The following OPCML variants were observed in gnomAD, a reference collection of about 807,000 sequenced individuals.
OPCML encodes opioid binding protein/cell adhesion molecule like.
A neutral mutation model predicts 37.8 loss-of-function variants in OPCML; 13 were observed. The ratio of observed to expected loss-of-function variants is 0.34; its 90% CI spans 0.22 to 0.55. The LOEUF (loss-of-function observed/expected upper bound fraction) is 0.55. Among genes scored for constraint, OPCML ranks in the 20% least tolerant of loss-of-function variants. OPCML has a pLI of 0.91. For missense variants in OPCML, 341 were observed against 435.6 expected (o/e 0.78, Z 1.93); for synonymous variants, 176 against 168.8 (o/e 1.04, Z -0.33).
intron 4 of OPCML, among the ~76,000 whole-genome samples, chr11:132,442,818 C>T (rs2096040890): frequency 6.6e-6 from 1 of 152,160 alleles, no homozygotes; most frequent in South Asian, 2.1e-4. Context: ...TCCACTATGA[C>T]TGTGAGGCTT....
intron 1 of OPCML, among the ~76,000 whole-genome samples, chr11:133,389,734 T>G (rs1945128736): frequency 6.6e-6 from 1 of 152,214 alleles, no homozygotes; most frequent in Non-Finnish European, 1.5e-5. Flanking sequence ...GGACATTCTT[T>G]GAAATGGTCT....
At chr11:133,101,624 A>T (rs575144090) in intron 1 of OPCML, among the ~76,000 whole-genome samples, 1 of 152,330 alleles carries the variant, frequency 6.6e-6, no homozygotes, top group East Asian at 1.9e-4. Flanking sequence ...GCTGGTTGGA[A>T]TGCAAAATTG....
intron 3 of OPCML, among the ~76,000 whole-genome samples, chr11:132,623,289 G>A (rs1021415586): frequency 2.6e-5 from 4 of 151,648 alleles, no homozygotes; most frequent in South Asian, 4.2e-4. Flanking sequence ...GCTTCACTTC[G>A]CCTGGAAATT....
chr11:133,044,250 G>T (rs1455047367), intron 1 of OPCML, among the ~76,000 whole-genome samples: 1 of 152,176 alleles, frequency 6.6e-6, no homozygotes, highest in Non-Finnish European at 1.5e-5. Flanking sequence ...CTGAAGGTGG[G>T]AGCTAGAGAA....
chr11:132,537,277 T>C (rs139506659), intron 3 of OPCML, among the ~76,000 whole-genome samples: 1 of 152,306 alleles, frequency 6.6e-6, no homozygotes, highest in African/African-American at 2.4e-5. Flanking sequence ...TCCAAAAATA[T>C]ATCCACATTT....
chr11:133,342,590 C>A (rs921426068), intron 1 of OPCML, among the ~76,000 whole-genome samples: 1 of 152,120 alleles, frequency 6.6e-6, no homozygotes, highest in Non-Finnish European at 1.5e-5. Context: ...GGGACCCGTG[C>A]GGAGGTTGGG....
intron 1 of OPCML, among the ~76,000 whole-genome samples, chr11:132,979,147 C>T (rs1434450649): frequency 6.6e-6 from 1 of 152,206 alleles, no homozygotes; most frequent in Non-Finnish European, 1.5e-5. Context: ...TGCCTTCTCC[C>T]TCCATCCATT....
chr11:132,648,882 C>T (rs759160278), intron 3 of OPCML, among the ~76,000 whole-genome samples: 4 of 151,992 alleles, frequency 2.6e-5, no homozygotes, highest in Non-Finnish European at 4.4e-5. Flanking sequence ...TAGAAAATAC[C>T]GACTCCTCCT....
chr11:133,372,239 C>T (rs555348816), intron 1 of OPCML, among the ~76,000 whole-genome samples: 58 of 152,288 alleles, frequency 3.8e-4, no homozygotes, highest in Non-Finnish European at 7.2e-4. Flanking sequence ...CCTACATACC[C>T]TGACTTGATC....
intron 1 of OPCML, among the ~76,000 whole-genome samples, chr11:133,436,850 G>A (rs928477445): frequency 4.6e-5 from 7 of 152,072 alleles, no homozygotes; most frequent in East Asian, 1.9e-4. Context: ...TAAACCTTTC[G>A]GTCCTTAGGA....
intron 1 of OPCML, among the ~76,000 whole-genome samples, chr11:133,411,063 TAGAC>T (rs1945641461): frequency 1.3e-5 from 2 of 152,100 alleles, no homozygotes; most frequent in Non-Finnish European, 2.9e-5. Context: ...CCTGAGGAAT[TAGAC>T]AGATATTAGA....
rs183058689 is a variant in OPCML, at chr11:132,758,284, C to T, written c.147-100965G>A. Among the ~76,000 whole-genome samples the T allele has an allele frequency of 1.3e-4, 20 of 152,236 alleles. No individual in the cohort carries two copies. The East Asian group carries it at 2.3e-3, about 18-fold the overall frequency. ...TTTGCTTAGGATTGTCTTGGCTGTA[C>T]GGCCTCTTCTTTGGTTCCATATGAA... On this transcript the variant is annotated intron_variant, in intron 2 of 7. Coordinates refer to ENST00000524381, the MANE Select transcript of OPCML (RefSeq NM_001012393.5).
intron 2 of OPCML, among the ~76,000 whole-genome samples, chr11:132,834,115 G>C (rs1280422990): frequency 6.6e-6 from 1 of 152,082 alleles, no homozygotes; most frequent in Non-Finnish European, 1.5e-5. Flanking sequence ...CTGAGAAGTT[G>C]GCTGATGTTT....
At chr11:133,189,063 C>T (rs1202043236) in intron 1 of OPCML, among the ~76,000 whole-genome samples, 3 of 152,120 alleles carry the variant, frequency 2.0e-5, no homozygotes, top group Non-Finnish European at 4.4e-5. Flanking sequence ...ATATCTTCCC[C>T]ATTCTCTCTC....
chr11:132,943,005 G>A lies in OPCML; in HGVS notation c.67C>T (p.Pro23Ser). ...AAGGTGGCATCTCCGCTGCGCACGG[G>A]CACTCCTGTGGGTACAAGGAACAGC... ...TTALLFIPGV[P>S]VRSGDATFPK... is the part of the protein sequence containing the mutation. Residue 23 changes from proline to serine, a missense_variant, in exon 2 of 8, where the codon CCC (proline) becomes TCC (serine). Pro to Ser is a moderately conservative substitution (Grantham distance 74). Coordinates refer to ENST00000524381, the MANE Select transcript of OPCML (RefSeq NM_001012393.5). The surrounding 1 kb of genome is among the most constrained non-coding windows in gnomAD (Gnocchi z 4.3). The A allele has an allele frequency of 1.2e-6, 2 of 1,614,142 alleles. No individual in the cohort carries two copies. Among genetic ancestry groups the A allele is most frequent in the Non-Finnish European group, 1.7e-6 (2 of 1,180,002 alleles).
intron 4 of OPCML, among the ~76,000 whole-genome samples, chr11:132,523,804 T>G (rs2096300658): frequency 6.6e-6 from 1 of 152,218 alleles, no homozygotes; most frequent in Non-Finnish European, 1.5e-5. Context: ...ATGTTTTAAA[T>G]GCTTTCATTA....
intron 2 of OPCML, among the ~76,000 whole-genome samples, chr11:132,872,854 C>T (rs915901139): frequency 1.3e-5 from 2 of 151,986 alleles, no homozygotes; most frequent in African/African-American, 4.8e-5. Flanking sequence ...TGCTCCCTGG[C>T]TATTAGCTGA....
At chr11:133,256,593 A>C (rs1440351789) in intron 1 of OPCML, among the ~76,000 whole-genome samples, 1 of 152,170 alleles carries the variant, frequency 6.6e-6, no homozygotes, top group African/African-American at 2.4e-5. Context: ...ATTTTACGTG[A>C]TATGTGGTGG....
intron 1 of OPCML, among the ~76,000 whole-genome samples, chr11:133,452,376 GTTCTT>G (rs1006293216): frequency 4.0e-5 from 6 of 151,280 alleles, no homozygotes; most frequent in Non-Finnish European, 7.4e-5. Context: ...TTTAAAAATA[GTTCTT>G]TTAAGAACTA....
Sources: gnomAD v4.1 joint callset for allele counts (sites outside exome capture counted in the v4.1 genomes callset) on GRCh38, gnomAD v4.1.1 for gene constraint, Gnocchi (gnomAD v3.1) non-coding constraint, MANE v1.5 for transcripts, NCBI Gene and HGNC (gene_info 2026-07-23, HGNC 2026-07-21) for gene names.